PARP8: variants seen among roughly 807,000 people sequenced by gnomAD.
The protein encoded by PARP8 is poly(ADP-ribose) polymerase family member 8, also known as protein mono-ADP-ribosyltransferase PARP8.
Under a neutral mutation model 124.1 loss-of-function variants are expected in PARP8, and 51 were observed. The ratio of observed to expected loss-of-function variants is 0.41; its 90% CI spans 0.33 to 0.52. PARP8 has a LOEUF of 0.52. Among genes scored for constraint, PARP8 ranks in the 20% least tolerant of loss-of-function variants. The pLI is 0.21. For synonymous variants in PARP8, 391 were observed against 361.5 expected, an observed-to-expected ratio of 1.08 and a Z score of -0.93; for missense variants, 860 against 1,018.9, an observed-to-expected ratio of 0.84 and a Z score of 2.12.
intron 9 of PARP8, among the ~76,000 whole-genome samples, chr5:50,786,533 T>G (rs1170241408): frequency 7.3e-6 from 1 of 137,698 alleles, no homozygotes; most frequent in Non-Finnish European, 1.6e-5. Flanking sequence ...CCTGGCTAAT[T>G]TTTTTTTTTT....
intron 16 of PARP8, among the ~76,000 whole-genome samples, chr5:50,821,547 G>A (rs1206562535): frequency 6.6e-6 from 1 of 152,038 alleles, no homozygotes; most frequent in Non-Finnish European, 1.5e-5. Flanking sequence ...AAAGGGACAA[G>A]TTTTCCTTTC....
At chr5:50,778,012 A>C in intron 7 of PARP8, 57 bp from the exon 8 acceptor site, 2 of 1,303,414 alleles carry the variant, frequency 1.5e-6, no homozygotes, top group Non-Finnish European at 1.1e-6. Flanking sequence ...AACCTAACAC[A>C]CACCATCTTT....
At chr5:50,668,362 T>G (rs1749608610) in intron 2 of PARP8, 1 of 549,820 alleles carries the variant, frequency 1.8e-6, no homozygotes, top group Admixed American at 3.1e-5. Flanking sequence ...ACTCTTCATG[T>G]TGAAACTGTT....
At chr5:50,806,657 A>G (rs1743876059) in intron 14 of PARP8, among the ~76,000 whole-genome samples, 1 of 152,048 alleles carries the variant, frequency 6.6e-6, no homozygotes, top group Non-Finnish European at 1.5e-5. Context: ...AGGAAATCAG[A>G]TGAGGAAATG....
At chr5:50,744,599 C>A in intron 2 of PARP8, 1 of 516,404 alleles carries the variant, frequency 1.9e-6, no homozygotes, top group Non-Finnish European at 3.5e-6. Context: ...CTTTAAGAAC[C>A]ATGCATCACA....
chr5:50,796,859 A>G, intron 12 of PARP8, 123 bp from the exon 13 acceptor site: 1 of 812,758 alleles, frequency 1.2e-6, no homozygotes, highest in Non-Finnish European at 1.9e-6. Flanking sequence ...TCAGTGACTC[A>G]ATTCATATTT....
At chr5:50,733,950 T>C (rs1477893218) in intron 2 of PARP8, among the ~76,000 whole-genome samples, 2 of 152,208 alleles carry the variant, frequency 1.3e-5, no homozygotes, top group Non-Finnish European at 2.9e-5. Context: ...TGTCTTGTCT[T>C]ATGTATAGCA....
In PARP8 at chr5:50,759,836, C is replaced by T; in HGVS notation, c.274+104C>T. 6.3e-6 allele frequency: 8 copies of T among 1,268,378 alleles called. No individual in the cohort carries two copies. The South Asian group carries it at 1.4e-4, about 23-fold the overall frequency. The allele number at this position is 1,268,378 out of a possible 1,614,324, so 78.6% of individuals were successfully genotyped here. A position where few individuals can be genotyped will look rare whatever the true frequency, so the allele number is the denominator to read the frequency against. ...TTAGCCAGTAACAGATATTTATCTT[C>T]TGTGTCTATAAATCCAGTCTCCATA... On this transcript the variant is annotated intron_variant, in intron 4 of 25. Coordinates refer to ENST00000281631, the MANE Select transcript of PARP8 (RefSeq NM_024615.4).
chr5:50,750,218 T>A (rs1204838060), intron 3 of PARP8, 30 bp downstream of exon 3: 1 of 1,532,824 alleles, frequency 6.5e-7, no homozygotes, highest in East Asian at 2.3e-5. Context: ...TTACAGATAT[T>A]CGTATCAGGG....
rs1303640929 is a variant in PARP8 at position 50,679,184 on chromosome 5, C to T, written c.146+11059C>T. ...AGTTAAAAAGCAGCAATAGTGTACA[C>T]TGATCAATATAAATGCATGCAGTTT... On this transcript the variant is annotated intron_variant, in intron 2 of 25. Transcript: ENST00000281631. 6.6e-5 allele frequency among the ~76,000 whole-genome samples: 10 copies of T among 152,248 alleles called. No homozygotes were observed. In the East Asian group the frequency reaches 1.7e-3, roughly 26 times the overall value.
intron 7 of PARP8, among the ~76,000 whole-genome samples, chr5:50,765,902 T>C (rs913059753): frequency 2.0e-5 from 3 of 152,246 alleles, no homozygotes; most frequent in African/African-American, 7.2e-5. Flanking sequence ...GCTGTTCTTT[T>C]ACCTAATTGG....
rs57414942 is a variant in PARP8, at chr5:50,691,583, G to A, written c.146+23458G>A. On this transcript the variant is annotated intron_variant, in intron 2 of 25. Coordinates refer to ENST00000281631, the MANE Select transcript of PARP8 (RefSeq NM_024615.4). The stretch of plus-strand genomic sequence containing the variant: ...TCATCTTTACCCACTCCATACATCC[G>A]GAAATCTCCATCAACCTTGTGTTGG... Among the ~76,000 whole-genome samples, 1,025 of 152,058 alleles carry A rather than the reference G, an allele frequency of 6.7e-3. 17 individuals are homozygous for A. The highest frequency in any genetic ancestry group is 0.024 in the African/African-American group (984 of 41,466).
chr5:50,822,052 A>G (rs1397347440), intron 16 of PARP8, among the ~76,000 whole-genome samples: 1 of 152,084 alleles, frequency 6.6e-6, no homozygotes, highest in East Asian at 1.9e-4. Context: ...TTAGTGGTGA[A>G]AGCCTGAATC....
rs190175216 is a variant in PARP8, at chr5:50,795,102, T to G, written c.1113T>G (p.Val371=). 1.1e-5 allele frequency: 17 copies of G among 1,614,192 alleles called. No homozygotes were observed. The highest frequency in any genetic ancestry group is 7.6e-6 in the Non-Finnish European group (9 of 1,180,030). The part of the protein sequence containing the change: ...KLLNRPCPAA[V]KSEECLTLKS... ...TGAACCGTCCTTGCCCTGCAGCTGT[T>G]AAGTCAGAGGAATGCCTAACTCTAA... is the stretch of plus-strand genomic sequence containing the variant. Residue 371 remains valine (V), a synonymous_variant, in exon 12 of 26, where the codon GTT becomes GTG. Transcript: ENST00000281631.
intron 1 of PARP8, 76 bp downstream of exon 1, chr5:50,667,262 G>C: frequency 2.1e-6 from 3 of 1,450,918 alleles, no homozygotes; most frequent in Non-Finnish European, 2.9e-6. Context: ...CTGTGGCTGG[G>C]GGTGGGGTGG....
At chr5:50,773,831 AATTTTTT>A (rs1423332439) in intron 7 of PARP8, among the ~76,000 whole-genome samples, 4 of 134,756 alleles carry the variant, frequency 3.0e-5, no homozygotes, top group African/African-American at 1.2e-4. Context: ...TTATTTCATT[AATTTTTT>A]TTTTTTTTTT....
At chr5:50,834,132 TACGG>T in intron 24 of PARP8, 84 bp downstream of exon 24, 1 of 1,089,846 alleles carries the variant, frequency 9.2e-7, no homozygotes, top group Non-Finnish European at 1.4e-6. Context: ...ACAGAGTGCT[TACGG>T]TGGAATAGGG....
At chr5:50,741,656 T>TA (rs1758051508) in intron 2 of PARP8, among the ~76,000 whole-genome samples, 1 of 152,212 alleles carries the variant, frequency 6.6e-6, no homozygotes, top group Non-Finnish European at 1.5e-5. Flanking sequence ...AAGTATAACT[T>TA]AAAAAATTAC....
chr5:50,798,212 G>A (rs542637643), intron 14 of PARP8, among the ~76,000 whole-genome samples: 26 of 152,136 alleles, frequency 1.7e-4, no homozygotes, highest in African/African-American at 5.5e-4. Context: ...GTCATCAGTC[G>A]ATGGAATTGC....
Sources: gnomAD v4.1 joint callset for allele counts (sites outside exome capture counted in the v4.1 genomes callset) on GRCh38, gnomAD v4.1.1 for gene constraint, MANE v1.5 for transcripts, NCBI Gene and HGNC (gene_info 2026-07-23, HGNC 2026-07-21) for gene names.